Variants in MIER2 observed in about 807,000 individuals in gnomAD.
MIER2 encodes MIER family member 2.
In MIER2, 30 loss-of-function variants were observed where a neutral mutation model predicts 67.6. That is an observed-to-expected ratio of 0.44 (90% CI 0.33 to 0.60). The LOEUF (loss-of-function observed/expected upper bound fraction) is 0.60, where lower values mean the gene tolerates loss of function less well. Ranked by LOEUF, MIER2 falls within the 20% of genes least tolerant of loss-of-function variation. MIER2 has a pLI of 0.02. For missense variants in MIER2, 702 were observed against 745.1 expected (o/e 0.94, Z 0.67); for synonymous variants, 372 against 312.6 (o/e 1.19, Z -2.00).
intron 13 of MIER2, 53 bp downstream of exon 13, chr19:307,066 G>C: frequency 1.3e-6 from 2 of 1,516,856 alleles, no homozygotes; most frequent in Non-Finnish European, 1.8e-6. Context: ...CCTGAGGGCT[G>C]GGGGGACCTG....
In MIER2 at chr19:324,143, C is replaced by T. The variant is rs542106286; in HGVS notation, c.655+1492G>A. 1.4e-3 allele frequency among the ~76,000 whole-genome samples: 196 copies of T among 138,694 alleles called. 7 individuals are homozygous for T. The highest frequency in any genetic ancestry group is 8.7e-3 in the South Asian group (40 of 4,584). The allele number at this position is 138,694 out of a possible 152,430, so 91.0% of individuals were successfully genotyped here. A position where few individuals can be genotyped will look rare whatever the true frequency, so the allele number is the denominator to read the frequency against. ...TAAAGACACAACCACACAGACGACT[C>T]GAATGACACAGGCGTCATCACAATG... On this transcript the variant is annotated intron_variant, in intron 7 of 13. Transcript: ENST00000264819.
intron 7 of MIER2, among the ~76,000 whole-genome samples, chr19:323,254 A>G (rs4897947): frequency 0.015 from 1,942 of 131,654 alleles, 90 homozygotes; most frequent in Admixed American, 0.12. Context: ...ATCATAATGC[A>G]ATACACAAGA....
In MIER2 at chr19:308,935, G is replaced by A. The variant is rs77788712; in HGVS notation, c.985-10C>T. 998 of 1,595,048 alleles carry A rather than the reference G, an allele frequency of 6.3e-4. 11 individuals carry two copies. The East Asian group carries it at 0.021, about 34-fold the overall frequency. ...CTGACCGTGTGCGCACCTGCGGGGAGGGGTCAGGAGCCATCTCTGTCCCCG... is the reference window on the plus strand; with the variant it reads ...CTGACCGTGTGCGCACCTGCGGGGAAGGGTCAGGAGCCATCTCTGTCCCCG... On this transcript the variant is annotated splice_polypyrimidine_tract_variant and intron_variant, in intron 10 of 13. Coordinates refer to ENST00000264819, the MANE Select transcript of MIER2 (RefSeq NM_017550.3). This position sits in a 1 kb window ranked among gnomAD's most constrained non-coding sequence, Gnocchi z 9.1.
rs182815993 is a variant in MIER2, at chr19:330,203, T to C, written c.244-2214A>G. 4.6e-5 allele frequency: 7 copies of C among 152,214 alleles called. No homozygotes were observed. In the East Asian group the frequency reaches 1.4e-3, roughly 29 times the overall value. The allele number at this position is 152,214 out of a possible 1,614,324, so 9.4% of individuals were successfully genotyped here. On this transcript the variant is annotated intron_variant, in intron 3 of 13. Transcript: ENST00000264819. ...CTGCTGCAATGGTAAAACTCAAGAT[T>C]TTGAAAAACTTGGGTTTGACAACAT...
At chr19:321,759 TC>T (rs1971512044) in intron 7 of MIER2, among the ~76,000 whole-genome samples, 1 of 152,104 alleles carries the variant, frequency 6.6e-6, no homozygotes, top group Non-Finnish European at 1.5e-5. Flanking sequence ...ACCTCAGACT[TC>T]CTTGTAACCT....
chr19:317,401 C>T (rs988222026), intron 7 of MIER2, among the ~76,000 whole-genome samples: 73 of 150,204 alleles, frequency 4.9e-4, no homozygotes, highest in African/African-American at 1.7e-3. Context: ...ATGGCGGGTG[C>T]CTGTAGTCCC....
intron 1 of MIER2, chr19:344,067 G>A (rs1232607166): frequency 2.0e-6 from 2 of 985,436 alleles, no homozygotes; most frequent in Non-Finnish European, 2.4e-6. Flanking sequence ...AAACATTTCA[G>A]ATAAAGGGTC....
intron 7 of MIER2, among the ~76,000 whole-genome samples, chr19:316,331 C>T (rs1345760428): frequency 6.6e-6 from 1 of 151,392 alleles, no homozygotes; most frequent in Admixed American, 6.6e-5. Flanking sequence ...CTTGCTCTGT[C>T]CCCCAGGCTG....
intron 7 of MIER2, among the ~76,000 whole-genome samples, chr19:315,336 G>A (rs768463164): frequency 1.3e-5 from 2 of 152,238 alleles, no homozygotes; most frequent in African/African-American, 2.4e-5. Flanking sequence ...CTGCACTCCA[G>A]CCTGGGCGAG....
At chr19:327,004 C>G (rs1487022504) in intron 5 of MIER2, 129 bp downstream of exon 5, 1 of 1,333,454 alleles carries the variant, frequency 7.5e-7, no homozygotes, top group African/African-American at 1.5e-5. Flanking sequence ...ACTGACGCTT[C>G]CCGCCAGGCA....
At chr19:309,492 T>C (rs1179709172) in intron 10 of MIER2, among the ~76,000 whole-genome samples, 1 of 152,094 alleles carries the variant, frequency 6.6e-6, no homozygotes, top group African/African-American at 2.4e-5. Context: ...ACACATGGGT[T>C]CTGTGAACCC....
chr19:333,100 C>T (rs1189255292), intron 3 of MIER2, among the ~76,000 whole-genome samples: 1 of 87,422 alleles, frequency 1.1e-5, no homozygotes, highest in African/African-American at 6.1e-5. Flanking sequence ...TCACGTCATT[C>T]TCCCGCCTCA....
In MIER2 at chr19:308,499, G is replaced by A; in HGVS notation, c.1198+78C>T. 1.2e-5 allele frequency: 18 copies of A among 1,440,606 alleles called. No individual in the cohort carries two copies. The highest frequency in any genetic ancestry group is 1.7e-5 in the Non-Finnish European group (18 of 1,065,968). 89.2% of individuals were successfully genotyped at this position (1,440,606 alleles called of 1,614,324 possible). A position where few individuals can be genotyped will look rare whatever the true frequency, so the allele number is the denominator to read the frequency against. On this transcript the variant is annotated intron_variant, in intron 12 of 13. Transcript: ENST00000264819. The surrounding 1 kb of genome is among the most constrained non-coding windows in gnomAD (Gnocchi z 9.1). Reference sequence around the variant, plus strand: ...TGGCCCAGCACAGGGCGCCAGGCAGGAGAGGCTCCACCGGGCCTCACTCAC... The same window carrying A: ...TGGCCCAGCACAGGGCGCCAGGCAGAAGAGGCTCCACCGGGCCTCACTCAC...
intron 1 of MIER2, chr19:344,256 C>A: frequency 1.0e-6 from 1 of 985,378 alleles, no homozygotes; most frequent in Non-Finnish European, 1.2e-6. Context: ...CGCCCGGGGT[C>A]TGACCCAGCC....
chr19:333,551 T>C (rs1320097257), intron 3 of MIER2, among the ~76,000 whole-genome samples: 1 of 53,028 alleles, frequency 1.9e-5, no homozygotes, highest in Non-Finnish European at 3.6e-5. Flanking sequence ...TCTCACTCTG[T>C]CGCCCAGGCT....
chr19:310,455 C>T (rs967685292), intron 10 of MIER2, among the ~76,000 whole-genome samples: 9 of 150,700 alleles, frequency 6.0e-5, no homozygotes, highest in African/African-American at 9.9e-5. Flanking sequence ...CACGGCCCCT[C>T]GCGGCTGGGC....
chr19:311,710 G>C, intron 10 of MIER2, 135 bp downstream of exon 10: 2 of 754,948 alleles, frequency 2.6e-6, no homozygotes, highest in Non-Finnish European at 4.3e-6. Flanking sequence ...AGACAGCAAT[G>C]GGCACACGGT....
Position 308,527 on chromosome 19 carries a change from C to T in MIER2, c.1198+50G>A, listed in dbSNP as rs1429515062. The T allele has an allele frequency of 3.3e-6, 5 of 1,528,428 alleles. No homozygotes were observed. Among genetic ancestry groups the T allele is most frequent in the Non-Finnish European group, 4.4e-6 (5 of 1,131,450 alleles). 94.7% of individuals were successfully genotyped at this position (1,528,428 alleles called of 1,614,324 possible). ...AGGCTCCACCGGGCCTCACTCACGG[C>T]TCCAGACCCGTGGCCGCCCCCAGGG... On this transcript the variant is annotated intron_variant, in intron 12 of 13. Transcript: ENST00000264819. This position sits in a 1 kb window ranked among gnomAD's most constrained non-coding sequence, Gnocchi z 9.1.
chr19:314,311 A>G (rs1174920702), intron 7 of MIER2, among the ~76,000 whole-genome samples: 2 of 152,122 alleles, frequency 1.3e-5, no homozygotes, highest in Admixed American at 6.5e-5. Flanking sequence ...CCTCAGATGC[A>G]ATTGGCTTTC....
Sources: gnomAD v4.1 joint callset for allele counts (sites outside exome capture counted in the v4.1 genomes callset) on GRCh38, gnomAD v4.1.1 for gene constraint, Gnocchi (gnomAD v3.1) non-coding constraint, MANE v1.5 for transcripts, NCBI Gene and HGNC (gene_info 2026-07-23, HGNC 2026-07-21) for gene names.